GRIN3B: variants seen among roughly 807,000 people sequenced by gnomAD.
GRIN3B encodes glutamate ionotropic receptor NMDA type subunit 3B.
In GRIN3B, 77 loss-of-function variants were observed where a neutral mutation model predicts 66.0. The ratio of observed to expected loss-of-function variants is 1.17; its 90% CI spans 0.97 to 1.41. The LOEUF (loss-of-function observed/expected upper bound fraction) is 1.41. GRIN3B is among the 40% of genes most tolerant of loss of function. The pLI is 0.00. For missense variants in GRIN3B, 1,787 were observed against 1,564.5 expected (o/e 1.14, Z -2.40); for synonymous variants, 823 against 749.7 (o/e 1.10, Z -1.60).
Position 1,000,467 on chromosome 19 carries a change from CCTGGCG to C in GRIN3B, c.41_46del (p.Ala14_Leu15del), listed in dbSNP as rs768904578. 3 of 1,210,800 alleles carry C rather than the reference CCTGGCG, an allele frequency of 2.5e-6. No individual in the cohort carries two copies. Among genetic ancestry groups the C allele is most frequent in the Non-Finnish European group, 3.1e-6 (3 of 973,240 alleles). The allele number at this position is 1,210,800 out of a possible 1,614,324, so 75.0% of individuals were successfully genotyped here. On this transcript the variant is annotated inframe_deletion, in exon 1 of 9. Coordinates refer to ENST00000234389, the MANE Select transcript of GRIN3B (RefSeq NM_138690.3). ...AGTTTGTGCGGGCGCTGTGGCTGGG[CCTGGCG>C]CTGGCGCTGGGGCCGGGGTCCGCGG...
In GRIN3B at chr19:1,003,356, G is replaced by A. The variant is rs749130329; in HGVS notation, c.653G>A (p.Arg218His). Residue 218 changes from arginine (R) to histidine (H), a missense_variant, in exon 2 of 9, where the codon CGC becomes CAC. Physicochemically the swap from Arg to His is conservative, Grantham distance 29. Transcript: ENST00000234389. ...RDTGDAGLRA[R>H]LAPMAAPVGG... is the part of the protein sequence containing the mutation. ...ACGGGAGATGCAGGACTGCGGGCAC[G>A]CCTGGCCCCGATGGCGGCGCCAGTG... 20 of 1,577,644 alleles carry A rather than the reference G, an allele frequency of 1.3e-5. No individual in the cohort carries two copies. The highest frequency in any genetic ancestry group is 1.1e-4 in the Admixed American group (6 of 55,142).
Position 1,007,496 on chromosome 19 carries a change from G to A in GRIN3B, c.2053-132G>A. On this transcript the variant is annotated intron_variant, in intron 3 of 8. Transcript: ENST00000234389. This position sits in a 1 kb window ranked among gnomAD's most constrained non-coding sequence, Gnocchi z 4.4. ...CTGGGGTGTGCTCTGGGCATGGAGT[G>A]GGTGGAGGCCAGGAATGCAGCCTCG... 9.5e-7 allele frequency: 1 copy of A among 1,054,764 alleles called. No individual in the cohort carries two copies. Among genetic ancestry groups the A allele is most frequent in the Non-Finnish European group, 1.3e-6 (1 of 793,480 alleles). 65.3% of individuals were successfully genotyped at this position (1,054,764 alleles called of 1,614,324 possible). A position where few individuals can be genotyped will look rare whatever the true frequency, so the allele number is the denominator to read the frequency against.
Position 1,000,684 on chromosome 19 carries a change from G to A in GRIN3B, c.247G>A (p.Asp83Asn). 1.5e-6 allele frequency: 2 copies of A among 1,353,080 alleles called. No individual in the cohort carries two copies. Among genetic ancestry groups the A allele is most frequent in the Non-Finnish European group, 1.9e-6 (2 of 1,050,184 alleles). 83.8% of individuals were successfully genotyped at this position (1,353,080 alleles called of 1,614,324 possible). ...GGTGGTCGCCGCGCCCCCCGCCCGC[G>A]ACCCCGCCTCGCTGACCCGCGGCCT... is the stretch of plus-strand genomic sequence containing the variant. ...ELVVAAPPAR[D>N]PASLTRGLCQ... is the part of the protein sequence containing the mutation. The change falls in exon 1 of 9, where the codon GAC becomes AAC. Residue 83 changes from aspartate to asparagine, a missense_variant. Asp to Asn is a conservative substitution (Grantham distance 23). Coordinates refer to ENST00000234389, the MANE Select transcript of GRIN3B (RefSeq NM_138690.3).
At chr19:1,008,566 C>T in intron 6 of GRIN3B, 52 bp from the exon 7 acceptor site, 1 of 1,566,128 alleles carries the variant, frequency 6.4e-7, no homozygotes. Context: ...CAAGGCTCCC[C>T]AGGGGCCTGC....
chr19:1,008,042 G>C, intron 5 of GRIN3B, 71 bp downstream of exon 5: 5 of 1,582,174 alleles, frequency 3.2e-6, no homozygotes, highest in Non-Finnish European at 4.3e-6. Context: ...GGGAGCCACG[G>C]AGGGTTCGAG....
At position 1,007,878 on chromosome 19, in the gene GRIN3B, G is replaced by A. The variant is rs2038773498; in HGVS notation, c.2221G>A (p.Ala741Thr). 2 of 1,609,902 alleles carry A rather than the reference G, an allele frequency of 1.2e-6. No homozygotes were observed. The highest frequency in any genetic ancestry group is 1.7e-6 in the Non-Finnish European group (2 of 1,177,932). Residue 741 changes from alanine (A) to threonine (T), a missense_variant, in exon 5 of 9, where the codon GCC (alanine) becomes ACC (threonine). Transcript: ENST00000234389. This position sits in a 1 kb window ranked among gnomAD's most constrained non-coding sequence, Gnocchi z 4.4. Reference protein sequence around the residue: ...MLTSDPPKLNAFIMDKSLLDY... With the variant: ...MLTSDPPKLNTFIMDKSLLDY... ...CAGGAGCGACCCCCCCAAGCTCAAC[G>A]CCTTCATCATGGACAAGTCGCTCCT...
In GRIN3B at chr19:1,009,160, G is replaced by T; in HGVS notation, c.2703-13G>T. ...GCCCCGGCGGACACTGACCAGGCCGGTTCCGTCCCCAGCGGCCCCGAGGTG... is the reference window on the plus strand; with the variant it reads ...GCCCCGGCGGACACTGACCAGGCCGTTTCCGTCCCCAGCGGCCCCGAGGTG... On this transcript the variant is annotated splice_polypyrimidine_tract_variant and intron_variant, in intron 8 of 8. Transcript: ENST00000234389. 6.9e-7 allele frequency: 1 copy of T among 1,459,446 alleles called. No homozygotes were observed. Among genetic ancestry groups the T allele is most frequent in the South Asian group, 1.4e-5 (1 of 71,422 alleles). The allele number at this position is 1,459,446 out of a possible 1,614,324, so 90.4% of individuals were successfully genotyped here.
At chr19:1,008,969 G>T in intron 8 of GRIN3B, 42 bp downstream of exon 8, 1 of 1,563,546 alleles carries the variant, frequency 6.4e-7, no homozygotes, top group Non-Finnish European at 8.7e-7. Context: ...GGACCACCCA[G>T]ACCCACCACC....
At chr19:1,009,069 G>T in intron 8 of GRIN3B, 104 bp from the exon 9 acceptor site, 3 of 1,441,134 alleles carry the variant, frequency 2.1e-6, no homozygotes, top group East Asian at 2.5e-5. Flanking sequence ...GTGGCTCCCT[G>T]GTTGTGCCTG....
chr19:1,008,938 G>T lies in GRIN3B; in HGVS notation c.2702+11G>T, dbSNP rs975277315. 2 of 1,599,038 alleles carry T rather than the reference G, an allele frequency of 1.3e-6. No individual in the cohort carries two copies. Among genetic ancestry groups the T allele is most frequent in the Admixed American group, 1.7e-5 (1 of 58,504 alleles). Reference sequence around the variant, plus strand: ...AGAGGCGGAGCCCAGGTAAGTGGTGGTCGGGGCGGACCACGATGCAGGACC... The same window carrying T: ...AGAGGCGGAGCCCAGGTAAGTGGTGTTCGGGGCGGACCACGATGCAGGACC... On this transcript the variant is annotated intron_variant, in intron 8 of 8. Transcript: ENST00000234389.
At chr19:1,001,926 G>A (rs952758776) in intron 1 of GRIN3B, 1 of 152,382 alleles carries the variant, frequency 6.6e-6, no homozygotes, top group East Asian at 1.9e-4. Flanking sequence ...CCTGGGGACT[G>A]AGCCCCATCC....
rs1185282874 is a variant in GRIN3B, at chr19:1,009,022, C to G, written c.2702+95C>G. ...AGCCGGCCGCGGGGTGCAGGAGGTT[C>G]CCGGAGGTCCCCCGCCCACCCCCGG... On this transcript the variant is annotated intron_variant, in intron 8 of 8. Transcript: ENST00000234389. 9.6e-5 allele frequency: 142 copies of G among 1,479,868 alleles called. 1 individual carries two copies. The highest frequency in any genetic ancestry group is 1.2e-4 in the Non-Finnish European group (131 of 1,093,546). 91.7% of individuals were successfully genotyped at this position (1,479,868 alleles called of 1,614,324 possible).
chr19:1,005,113 C>A lies in GRIN3B; in HGVS notation c.1612C>A (p.Arg538Ser), dbSNP rs369654068. 3.1e-6 allele frequency: 5 copies of A among 1,613,084 alleles called. No homozygotes were observed. Among genetic ancestry groups the A allele is most frequent in the Non-Finnish European group, 4.2e-6 (5 of 1,179,884 alleles). The change falls in exon 3 of 9, where the codon CGC becomes AGC. Residue 538 changes from arginine to serine, a missense_variant. Arg to Ser is a moderately radical substitution (Grantham distance 110, BLOSUM62 -1). Transcript: ENST00000234389. The surrounding 1 kb of genome is among the most constrained non-coding windows in gnomAD (Gnocchi z 5.2). ...AVTSFSINSARSQVVDFTSPF... is the reference protein window; with the variant it reads ...AVTSFSINSASSQVVDFTSPF... The stretch of plus-strand genomic sequence containing the variant: ...CACCAGCTTCAGTATCAACTCCGCC[C>A]GCTCACAGGTGGTGGACTTCACCAG...
At position 1,007,786 on chromosome 19, in the gene GRIN3B, G is replaced by A; in HGVS notation, c.2198+13G>A. The stretch of plus-strand genomic sequence containing the variant: ...TCGCCATGCTCACGTGAGCCCGGGC[G>A]CGGGGTGAGGCGGGGGCGGGGCGTG... On this transcript the variant is annotated intron_variant, in intron 4 of 8. Coordinates refer to ENST00000234389, the MANE Select transcript of GRIN3B (RefSeq NM_138690.3). This position sits in a 1 kb window ranked among gnomAD's most constrained non-coding sequence, Gnocchi z 4.4. 2 of 1,506,432 alleles carry A rather than the reference G, an allele frequency of 1.3e-6. No individual in the cohort carries two copies. Among genetic ancestry groups the A allele is most frequent in the East Asian group, 2.6e-5 (1 of 38,112 alleles). The allele number at this position is 1,506,432 out of a possible 1,614,324, so 93.3% of individuals were successfully genotyped here. A position where few individuals can be genotyped will look rare whatever the true frequency, so the allele number is the denominator to read the frequency against.
At position 1,009,372 on chromosome 19, in the gene GRIN3B, C is replaced by T; in HGVS notation, c.2902C>T (p.Arg968Cys). The change falls in exon 9 of 9, where the codon CGC becomes TGC. Residue 968 changes from arginine (R) to cysteine (C), a missense_variant. Coordinates refer to ENST00000234389, the MANE Select transcript of GRIN3B (RefSeq NM_138690.3). ...CCCCGTCTGGCTGTGCTCCTACGGC[C>T]GCCCGCCCGCCGCAAGGCCCACGGG... ...EGPVWLCSYG[R>C]PPAARPTGAP... The T allele has an allele frequency of 7.3e-7, 1 of 1,368,540 alleles. No homozygotes were observed. The highest frequency in any genetic ancestry group is 1.6e-5 in the South Asian group (1 of 60,964). The allele number at this position is 1,368,540 out of a possible 1,614,324, so 84.8% of individuals were successfully genotyped here.
At chr19:1,006,551 C>T (rs2038751097) in intron 3 of GRIN3B, among the ~76,000 whole-genome samples, 1 of 152,188 alleles carries the variant, frequency 6.6e-6, no homozygotes, top group East Asian at 1.9e-4. Context: ...AAGCAATTCT[C>T]CTGCCTCAGC....
rs2038795321 is a variant in GRIN3B at position 1,008,794 on chromosome 19, G to A, written c.2631+12G>A. 5 of 1,597,828 alleles carry A rather than the reference G, an allele frequency of 3.1e-6. No homozygotes were observed. Among genetic ancestry groups the A allele is most frequent in the Non-Finnish European group, 3.4e-6 (4 of 1,172,992 alleles). On this transcript the variant is annotated intron_variant, in intron 7 of 8. Transcript: ENST00000234389. ...TGCACACCAGCCAGGTGGGGAGCGG[G>A]TGGGCGGCGGGCGGCCCCACCCCCC...
Position 1,004,615 on chromosome 19 carries a change from A to G in GRIN3B, c.1114A>G (p.Ser372Gly). The change falls in exon 3 of 9, where the codon AGC becomes GGC. Residue 372 changes from serine (S) to glycine (G), a missense_variant. Physicochemically the swap from Ser to Gly is moderately conservative, Grantham distance 56. Transcript: ENST00000234389. ...CATGTCTCGGCACTTTAAGGTGTGGAGCCTTCGCCGGGACCCACGGGGCGC... is the reference window on the plus strand; with the variant it reads ...CATGTCTCGGCACTTTAAGGTGTGGGGCCTTCGCCGGGACCCACGGGGCGC... ...VHMSRHFKVW[S>G]LRRDPRGAPA... The G allele has an allele frequency of 1.3e-6, 2 of 1,599,384 alleles. No homozygotes were observed. Among genetic ancestry groups the G allele is most frequent in the Non-Finnish European group, 1.7e-6 (2 of 1,173,668 alleles).
Position 1,008,120 on chromosome 19 carries a change from G to T in GRIN3B, c.2315-20G>T. 1 of 1,578,168 alleles carries T rather than the reference G, an allele frequency of 6.3e-7. No homozygotes were observed. The highest frequency in any genetic ancestry group is 8.6e-7 in the Non-Finnish European group (1 of 1,161,890). The stretch of plus-strand genomic sequence containing the variant: ...TGGGGCTGTCCCACCTGGCCCCACC[G>T]CCTGGCCCCGCGCCCCCAGGCTATG... On this transcript the variant is annotated intron_variant, in intron 5 of 8. Coordinates refer to ENST00000234389, the MANE Select transcript of GRIN3B (RefSeq NM_138690.3).
Sources: allele counts gnomAD v4.1 joint callset (sites outside exome capture counted in the v4.1 genomes callset), GRCh38; gene constraint gnomAD v4.1.1; non-coding constraint Gnocchi (gnomAD v3.1); transcripts MANE v1.5; gene names NCBI Gene and HGNC (gene_info 2026-07-23, HGNC 2026-07-21).